The following NFIL3 variants were observed in gnomAD, a reference collection of about 807,000 sequenced individuals.
The protein encoded by NFIL3 is nuclear factor, interleukin 3 regulated, also known as nuclear factor interleukin-3-regulated protein.
In NFIL3, 5 loss-of-function variants were observed where a neutral mutation model predicts 10.0. The observed-to-expected ratio is 0.50, with a 90% confidence interval of 0.26 to 1.06. NFIL3 has a LOEUF of 1.06. Ranked by LOEUF, NFIL3 falls within the 50% of genes least tolerant of loss-of-function variation. NFIL3 has a pLI of 0.13. For missense variants in NFIL3, 436 were observed against 547.6 expected (o/e 0.80, Z 2.03); for synonymous variants, 202 against 206.5 (o/e 0.98, Z 0.19).
At chr9:91,466,024 CTG>C in the NFIL3 span, among the ~76,000 whole-genome samples, 1 of 151,158 alleles carries the variant, frequency 6.6e-6, no homozygotes, top group African/African-American at 2.4e-5. Context: ...TACAGTAGAT[CTG>C]TGTGTGTGTG....
chr9:91,416,556 G>A (rs917026160), intron 1 of NFIL3, among the ~76,000 whole-genome samples: 4 of 152,030 alleles, frequency 2.6e-5, no homozygotes, highest in African/African-American at 9.7e-5. Context: ...GACACTACAT[G>A]CCAATTCTAT....
the NFIL3 span, among the ~76,000 whole-genome samples, chr9:91,460,330 A>G: frequency 7.7e-6 from 1 of 129,446 alleles, no homozygotes; most frequent in African/African-American, 3.2e-5. Flanking sequence ...GCTGTAGTGC[A>G]GTGGTGCAAT....
the NFIL3 span, among the ~76,000 whole-genome samples, chr9:91,453,096 G>T: frequency 6.6e-6 from 1 of 152,032 alleles, no homozygotes; most frequent in Admixed American, 6.5e-5. Context: ...AGCAGGTTTG[G>T]TTCTTTCTGA....
At chr9:91,449,788 C>A in the NFIL3 span, among the ~76,000 whole-genome samples, 3 of 152,082 alleles carry the variant, frequency 2.0e-5, no homozygotes, top group East Asian at 5.8e-4. Flanking sequence ...GGTATTAGTT[C>A]TTTGAATGTT....
At chr9:91,454,530 T>C in the NFIL3 span, among the ~76,000 whole-genome samples, 1 of 152,148 alleles carries the variant, frequency 6.6e-6, no homozygotes, top group Admixed American at 6.5e-5. Context: ...TTGTCAATTT[T>C]TACTTTTTAA....
chr9:91,483,048 G>C, the NFIL3 span, among the ~76,000 whole-genome samples: 1 of 152,104 alleles, frequency 6.6e-6, no homozygotes, highest in Non-Finnish European at 1.5e-5. Flanking sequence ...TCCAGTTCCT[G>C]GTCTCTTCCC....
chr9:91,482,008 T>C, the NFIL3 span, among the ~76,000 whole-genome samples: 3 of 152,184 alleles, frequency 2.0e-5, no homozygotes, highest in South Asian at 6.2e-4. Flanking sequence ...AATGACACCT[T>C]GGTGCCGGAA....
At chr9:91,418,139 T>TA (rs1833692237) in intron 1 of NFIL3, among the ~76,000 whole-genome samples, 1 of 152,074 alleles carries the variant, frequency 6.6e-6, no homozygotes, top group South Asian at 2.1e-4. Flanking sequence ...CTGCACAGAG[T>TA]AAGCACATAC....
chr9:91,470,317 A>C, the NFIL3 span, among the ~76,000 whole-genome samples: 2 of 150,898 alleles, frequency 1.3e-5, no homozygotes, highest in African/African-American at 4.9e-5. Context: ...GTTTATTTGC[A>C]TAGAGGTGTT....
the NFIL3 span, among the ~76,000 whole-genome samples, chr9:91,470,159 C>T: frequency 6.6e-6 from 1 of 151,944 alleles, no homozygotes; most frequent in African/African-American, 2.4e-5. Context: ...TCCTTCTGGT[C>T]CTGGACTTTT....
the NFIL3 span, among the ~76,000 whole-genome samples, chr9:91,452,503 G>A: frequency 2.3e-4 from 35 of 152,258 alleles, no homozygotes; most frequent in African/African-American, 5.8e-4. Flanking sequence ...GGCCAGGTGC[G>A]GTGGCTCACG....
rs1392992397 is a variant in NFIL3, at chr9:91,423,607, G to C, written c.-173+33C>G. Reference sequence around the variant, plus strand: ...GCAGCGCGCCCTGGGAGCGGTCGCCGGGCCCCCGGCCGGCGGTGGGCGGAG... The same window carrying C: ...GCAGCGCGCCCTGGGAGCGGTCGCCCGGCCCCCGGCCGGCGGTGGGCGGAG... On this transcript the variant is annotated intron_variant, in intron 1 of 1. Coordinates refer to ENST00000297689, the MANE Select transcript of NFIL3 (RefSeq NM_005384.3). 4 of 146,682 alleles carry C rather than the reference G, an allele frequency of 2.7e-5. 1 individual carries two copies. The East Asian group carries it at 8.1e-4, about 30-fold the overall frequency. The allele number at this position is 146,682 out of a possible 1,614,324, so 9.1% of individuals were successfully genotyped here. A position where few individuals can be genotyped will look rare whatever the true frequency, so the allele number is the denominator to read the frequency against.
the NFIL3 span, among the ~76,000 whole-genome samples, chr9:91,478,268 C>T: frequency 6.6e-6 from 1 of 152,066 alleles, no homozygotes; most frequent in Non-Finnish European, 1.5e-5. Flanking sequence ...CCATTCTCCC[C>T]GTCACTTTTA....
chr9:91,418,552 C>T (rs1833701248), intron 1 of NFIL3, among the ~76,000 whole-genome samples: 1 of 152,166 alleles, frequency 6.6e-6, no homozygotes, highest in African/African-American at 2.4e-5. Flanking sequence ...CTTTTCCAGT[C>T]AGTGGATGAT....
rs1587969757 is a variant in NFIL3 at position 91,423,754 on chromosome 9, G to C, written c.-287C>G. ...TCCGGGGCCGCGGCGGGAGGCGGGCGGCGGCGAGGGCGCGGCGCGGGAGGC... is the reference window on the plus strand; with the variant it reads ...TCCGGGGCCGCGGCGGGAGGCGGGCCGCGGCGAGGGCGCGGCGCGGGAGGC... On this transcript the variant is annotated 5_prime_UTR_variant, in exon 1 of 2. Coordinates refer to ENST00000297689, the MANE Select transcript of NFIL3 (RefSeq NM_005384.3). The C allele has an allele frequency of 6.9e-6, 1 of 145,810 alleles. No individual in the cohort carries two copies. The highest frequency in any genetic ancestry group is 6.8e-5 in the Admixed American group (1 of 14,708). The allele number at this position is 145,810 out of a possible 1,614,324, so 9.0% of individuals were successfully genotyped here.
At chr9:91,458,015 A>G in the NFIL3 span, among the ~76,000 whole-genome samples, 17 of 152,150 alleles carry the variant, frequency 1.1e-4, no homozygotes, top group African/African-American at 4.1e-4. Context: ...GATAAACCCC[A>G]CTTTGCCATG....
the NFIL3 span, among the ~76,000 whole-genome samples, chr9:91,450,734 T>C: frequency 6.6e-6 from 1 of 152,208 alleles, no homozygotes; most frequent in Non-Finnish European, 1.5e-5. Flanking sequence ...GTTTATAGTG[T>C]TGTTCAAGCC....
At chr9:91,465,872 T>C in the NFIL3 span, among the ~76,000 whole-genome samples, 1 of 152,140 alleles carries the variant, frequency 6.6e-6, no homozygotes, top group Admixed American at 6.6e-5. Flanking sequence ...ACTTTAACCT[T>C]TCATAAGTAC....
the NFIL3 span, among the ~76,000 whole-genome samples, chr9:91,459,690 A>G: frequency 1.1e-4 from 17 of 152,320 alleles, no homozygotes; most frequent in East Asian, 1.7e-3. Context: ...GTCTTAAAAC[A>G]AAAAACAAAC....
Sources: gnomAD v4.1 joint callset for allele counts (sites outside exome capture counted in the v4.1 genomes callset) on GRCh38, gnomAD v4.1.1 for gene constraint, MANE v1.5 for transcripts, NCBI Gene and HGNC (gene_info 2026-07-23, HGNC 2026-07-21) for gene names.